The following CYGB variants were observed in gnomAD, a reference collection of about 807,000 sequenced individuals.
CYGB encodes histoglobin.
Under a neutral mutation model 20.7 loss-of-function variants are expected in CYGB, and 13 were observed. That is an observed-to-expected ratio of 0.63 (90% CI 0.41 to 1.00). The LOEUF is 1.00. Among genes scored for constraint, CYGB ranks in the 50% least tolerant of loss-of-function variants. The pLI, the probability that CYGB is intolerant of heterozygous loss-of-function variation, is 0.00. For missense variants in CYGB, 218 were observed against 257.2 expected, an observed-to-expected ratio of 0.85 and a Z score of 1.04; for synonymous variants, 93 against 107.4, an observed-to-expected ratio of 0.87 and a Z score of 0.83.
chr17:76,543,480 C>T, intron 1 of CYGB: 1 of 345,154 alleles, frequency 2.9e-6, no homozygotes, highest in East Asian at 7.6e-5. Flanking sequence ...TTCAGTCACC[C>T]ACAGAGCCTG....
rs573322672 is a variant in CYGB at position 76,546,937 on chromosome 17, G to C, written c.-53+3925C>G. On this transcript the variant is annotated intron_variant, in intron 1 of 3. Transcript: ENST00000589145. This position sits in a 1 kb window ranked among gnomAD's most constrained non-coding sequence, Gnocchi z 4.5. Reference sequence around the variant, plus strand: ...GCCAGGACCTGAGCCTGGGAAATCTGACACCAAAGCTTGGGATAGAGGGGG... The same window carrying C: ...GCCAGGACCTGAGCCTGGGAAATCTCACACCAAAGCTTGGGATAGAGGGGG... 6.6e-6 allele frequency: 1 copy of C among 152,348 alleles called. No individual in the cohort carries two copies. Among genetic ancestry groups the C allele is most frequent in the South Asian group, 2.1e-4 (1 of 4,822 alleles). 9.4% of individuals were successfully genotyped at this position (152,348 alleles called of 1,614,324 possible). A position where few individuals can be genotyped will look rare whatever the true frequency, so the allele number is the denominator to read the frequency against.
In CYGB at chr17:76,528,519, C is replaced by G; in HGVS notation, c.*59G>C. ...CCAGAAATGGAGCGTCAAGGAGGGT[C>G]TTCAGAACTCGGCCTTCTGCTCGAG... On this transcript the variant is annotated 3_prime_UTR_variant, in exon 4 of 4. Transcript: ENST00000293230. The surrounding 1 kb of genome is among the most constrained non-coding windows in gnomAD (Gnocchi z 5.8). The G allele has an allele frequency of 4.8e-6, 6 of 1,258,342 alleles. No individual in the cohort carries two copies. Among genetic ancestry groups the G allele is most frequent in the Non-Finnish European group, 6.1e-6 (6 of 982,356 alleles). 77.9% of individuals were successfully genotyped at this position (1,258,342 alleles called of 1,614,324 possible).
intron 1 of CYGB, among the ~76,000 whole-genome samples, chr17:76,536,109 C>G (rs2074910767): frequency 6.6e-6 from 1 of 152,224 alleles, no homozygotes; most frequent in Non-Finnish European, 1.5e-5. Flanking sequence ...CCCAATGTCC[C>G]TCTTAGCTTC....
chr17:76,545,061 G>A lies in CYGB; in HGVS notation c.-53+5801C>T, dbSNP rs773610638. 2.2e-5 allele frequency: 10 copies of A among 451,506 alleles called. No individual in the cohort carries two copies. Among genetic ancestry groups the A allele is most frequent in the Non-Finnish European group, 3.6e-5 (8 of 223,964 alleles). 28.0% of individuals were successfully genotyped at this position (451,506 alleles called of 1,614,324 possible). A position where few individuals can be genotyped will look rare whatever the true frequency, so the allele number is the denominator to read the frequency against. On this transcript the variant is annotated intron_variant, in intron 1 of 3. Transcript: ENST00000589145. ...GCTGGGGTGCCATGTGGGCCGGGTG[G>A]GGGGGCTGTCTCCCCCAGGGAGCAG...
chr17:76,539,074 C>T (rs935882293), upstream of CYGB, among the ~76,000 whole-genome samples: 1 of 152,186 alleles, frequency 6.6e-6, no homozygotes, highest in East Asian at 1.9e-4. Context: ...GACACTGTCT[C>T]CCCCTTGTTG....
At chr17:76,538,253 C>T (rs895675816), upstream of CYGB, 2 of 189,532 alleles carry the variant, frequency 1.1e-5, no homozygotes, top group Non-Finnish European at 2.2e-5. Context: ...GGCCTCTCCC[C>T]GCGCCCCCGA....
chr17:76,534,146 T>TTCTCTCTC (rs71158013), intron 1 of CYGB, among the ~76,000 whole-genome samples: 9,283 of 128,862 alleles, frequency 0.072, 471 homozygotes, highest in Non-Finnish European at 0.1. Context: ...CTCTTTCTCT[T>TTCTCTCTC]TCTCTCTCTC....
upstream of CYGB, among the ~76,000 whole-genome samples, chr17:76,542,052 T>G (rs2074998094): frequency 6.6e-6 from 1 of 152,154 alleles, no homozygotes; most frequent in South Asian, 2.1e-4. Flanking sequence ...GACATGTGTT[T>G]TTAATCTTTG....
At chr17:76,548,968 G>GA (rs1293916863) in intron 1 of CYGB, among the ~76,000 whole-genome samples, 1 of 152,194 alleles carries the variant, frequency 6.6e-6, no homozygotes, top group Non-Finnish European at 1.5e-5. Flanking sequence ...CTAAGGTGAG[G>GA]AGGAGACAGA....
At chr17:76,534,384 G>A (rs923791680) in intron 1 of CYGB, among the ~76,000 whole-genome samples, 1 of 152,138 alleles carries the variant, frequency 6.6e-6, no homozygotes, top group African/African-American at 2.4e-5. Context: ...TCGCCATGCT[G>A]GCCAGGCTGG....
chr17:76,536,758 C>T (rs879494504), intron 1 of CYGB, among the ~76,000 whole-genome samples: 22 of 152,298 alleles, frequency 1.4e-4, no homozygotes, highest in Non-Finnish European at 2.9e-4. Flanking sequence ...TTCTTCCCCT[C>T]ACCCTCCAAA....
At chr17:76,548,226 C>G (rs2075074891) in intron 1 of CYGB, among the ~76,000 whole-genome samples, 1 of 151,942 alleles carries the variant, frequency 6.6e-6, no homozygotes, top group Non-Finnish European at 1.5e-5. Context: ...CTTATAGACA[C>G]ACATAGCATA....
Position 76,527,481 on chromosome 17 carries a change from G to C in CYGB, c.*1097C>G. On this transcript the variant is annotated 3_prime_UTR_variant, in exon 4 of 4. Coordinates refer to ENST00000293230, the MANE Select transcript of CYGB (RefSeq NM_134268.5). ...TGAAGATGAGGATGAGGATGGGCCA[G>C]GAGGGGACACAGCAGGAGCCACAGC... is the stretch of plus-strand genomic sequence containing the variant. 2.5e-6 allele frequency: 1 copy of C among 407,106 alleles called. No individual in the cohort carries two copies. Among genetic ancestry groups the C allele is most frequent in the Non-Finnish European group, 5.0e-6 (1 of 200,764 alleles). 25.2% of individuals were successfully genotyped at this position (407,106 alleles called of 1,614,324 possible).
chr17:76,544,076 C>G, intron 1 of CYGB: 1 of 454,650 alleles, frequency 2.2e-6, no homozygotes. Context: ...TCTCTCTTTT[C>G]AATCCTGCAT....
At chr17:76,542,745 C>A (rs553550908) in intron 1 of CYGB, 2 of 730,428 alleles carry the variant, frequency 2.7e-6, no homozygotes, top group African/African-American at 3.5e-5. Flanking sequence ...TCAGCTCTTG[C>A]CACTGATGGA....
In CYGB at chr17:76,528,657, G is replaced by A. The variant is rs775255584; in HGVS notation, c.540-46C>T. The A allele has an allele frequency of 2.4e-6, 3 of 1,257,802 alleles. No homozygotes were observed. The highest frequency in any genetic ancestry group is 3.0e-6 in the Non-Finnish European group (3 of 992,494). 77.9% of individuals were successfully genotyped at this position (1,257,802 alleles called of 1,614,324 possible). A position where few individuals can be genotyped will look rare whatever the true frequency, so the allele number is the denominator to read the frequency against. The stretch of plus-strand genomic sequence containing the variant: ...GAAGGACAAACGTTACCAGAGGCAG[G>A]GAAGGACCCTCGGGGGAAAGGGGGA... On this transcript the variant is annotated intron_variant, in intron 3 of 3. Transcript: ENST00000293230. The surrounding 1 kb of genome is among the most constrained non-coding windows in gnomAD (Gnocchi z 5.8).
At chr17:76,540,254 G>GTA, upstream of CYGB, 1 of 887,860 alleles carries the variant, frequency 1.1e-6, no homozygotes. The surrounding 1 kb of genome is among the most constrained non-coding windows in gnomAD (Gnocchi z 5.0). Context: ...GGTTGGTCGG[G>GTA]GGGGGGGGGC....
In CYGB at chr17:76,528,500, A is replaced by G. The variant is rs1293232701; in HGVS notation, c.*78T>C. On this transcript the variant is annotated 3_prime_UTR_variant, in exon 4 of 4. Transcript: ENST00000293230. This position sits in a 1 kb window ranked among gnomAD's most constrained non-coding sequence, Gnocchi z 5.8. ...CCTCCAGCTTCCTTGGCACCCAGAA[A>G]TGGAGCGTCAAGGAGGGTCTTCAGA... 1 of 1,187,316 alleles carries G rather than the reference A, an allele frequency of 8.4e-7. No homozygotes were observed. The highest frequency in any genetic ancestry group is 1.1e-6 in the Non-Finnish European group (1 of 922,772). 73.5% of individuals were successfully genotyped at this position (1,187,316 alleles called of 1,614,324 possible). A position where few individuals can be genotyped will look rare whatever the true frequency, so the allele number is the denominator to read the frequency against.
chr17:76,528,961 G>A lies in CYGB; in HGVS notation c.540-350C>T. 1 of 1,053,118 alleles carries A rather than the reference G, an allele frequency of 9.5e-7. No homozygotes were observed. Among genetic ancestry groups the A allele is most frequent in the Non-Finnish European group, 1.1e-6 (1 of 874,598 alleles). 65.2% of individuals were successfully genotyped at this position (1,053,118 alleles called of 1,614,324 possible). A position where few individuals can be genotyped will look rare whatever the true frequency, so the allele number is the denominator to read the frequency against. On this transcript the variant is annotated intron_variant, in intron 3 of 3. Transcript: ENST00000293230. This position sits in a 1 kb window ranked among gnomAD's most constrained non-coding sequence, Gnocchi z 5.8. ...TTAATTCTGAAACGTGGCGCATTCT[G>A]TCCGGCCTGTCTCGTCCCTCCTCGG...
Sources: allele counts gnomAD v4.1 joint callset (sites outside exome capture counted in the v4.1 genomes callset), GRCh38; gene constraint gnomAD v4.1.1; non-coding constraint Gnocchi (gnomAD v3.1); transcripts MANE v1.5; gene names NCBI Gene and HGNC (gene_info 2026-07-23, HGNC 2026-07-21).